The following GRM5 variants were observed in gnomAD, a reference collection of about 807,000 sequenced individuals.
The protein encoded by GRM5 is glutamate metabotropic receptor 5.
A neutral mutation model predicts 83.1 loss-of-function variants in GRM5; 19 were observed. The observed-to-expected ratio is 0.23, with a 90% CI of 0.16 to 0.34. The LOEUF is 0.34. Ranked by LOEUF, GRM5 falls within the 10% of genes least tolerant of loss-of-function variation. The pLI is 1.00. For missense variants in GRM5, 1,160 were observed against 1,588.3 expected (o/e 0.73, Z 4.58); for synonymous variants, 675 against 633.6 (o/e 1.07, Z -0.98).
At chr11:88,725,309 C>A (rs765334918) in intron 3 of GRM5, among the ~76,000 whole-genome samples, 14 of 152,180 alleles carry the variant, frequency 9.2e-5, no homozygotes, top group Admixed American at 1.3e-4. Context: ...CTCAGCAAAG[C>A]TGCTGTAGCC....
chr11:88,764,494 TA>T (rs1942589529), intron 3 of GRM5, among the ~76,000 whole-genome samples: 1 of 151,672 alleles, frequency 6.6e-6, no homozygotes, highest in Admixed American at 6.6e-5. Context: ...ATAGATGTCA[TA>T]CAAAGTTATT....
intron 3 of GRM5, among the ~76,000 whole-genome samples, chr11:88,702,744 G>A (rs1264630512): frequency 6.6e-6 from 1 of 152,038 alleles, no homozygotes; most frequent in Non-Finnish European, 1.5e-5. Flanking sequence ...AAATGAGGCT[G>A]TTTTTGTGTG....
At chr11:88,951,438 C>T (rs1238253177) in intron 2 of GRM5, among the ~76,000 whole-genome samples, 1 of 152,224 alleles carries the variant, frequency 6.6e-6, no homozygotes, top group Non-Finnish European at 1.5e-5. Flanking sequence ...GTTATATGGC[C>T]TGTCTGCCAC....
intron 1 of GRM5, among the ~76,000 whole-genome samples, chr11:89,053,005 A>G (rs1247917033): frequency 6.6e-6 from 1 of 152,132 alleles, no homozygotes; most frequent in African/African-American, 2.4e-5. Flanking sequence ...TGTTTTAACT[A>G]TTTCTTGCTG....
At chr11:89,023,687 T>G (rs943882394) in intron 2 of GRM5, among the ~76,000 whole-genome samples, 1 of 150,612 alleles carries the variant, frequency 6.6e-6, no homozygotes, top group East Asian at 2.0e-4. Context: ...CTACTAAAAA[T>G]AAATTAAAAA....
intron 2 of GRM5, among the ~76,000 whole-genome samples, chr11:88,915,397 G>A (rs77442637): frequency 4.6e-5 from 7 of 151,910 alleles, no homozygotes; most frequent in African/African-American, 7.3e-5. Context: ...CAGTGATATC[G>A]AGGTCATATT....
At chr11:89,055,094 T>C (rs1941845782) in intron 1 of GRM5, among the ~76,000 whole-genome samples, 1 of 152,208 alleles carries the variant, frequency 6.6e-6, no homozygotes, top group Non-Finnish European at 1.5e-5. Flanking sequence ...TGTCCAAGTA[T>C]ACACTGTTTT....
At chr11:88,976,011 T>C (rs1320851786) in intron 2 of GRM5, among the ~76,000 whole-genome samples, 1 of 152,256 alleles carries the variant, frequency 6.6e-6, no homozygotes, top group Admixed American at 6.5e-5. Flanking sequence ...TTCACATGAA[T>C]ATTCAGGTTG....
At chr11:89,005,309 A>G (rs1245695418) in intron 2 of GRM5, among the ~76,000 whole-genome samples, 1 of 152,240 alleles carries the variant, frequency 6.6e-6, no homozygotes, top group Non-Finnish European at 1.5e-5. Flanking sequence ...AAAGCAGGCT[A>G]TACATTTCAT....
At chr11:88,892,832 C>A (rs1304471632) in intron 2 of GRM5, among the ~76,000 whole-genome samples, 1 of 151,950 alleles carries the variant, frequency 6.6e-6, no homozygotes, top group Non-Finnish European at 1.5e-5. Flanking sequence ...TAGTTCTGGG[C>A]AATTATTCTG....
chr11:88,612,780 C>A (rs1016955576), intron 4 of GRM5: 1 of 152,238 alleles, frequency 6.6e-6, no homozygotes, highest in Non-Finnish European at 1.5e-5. Flanking sequence ...TGAGAAGTGT[C>A]TGTTCATGTC....
At chr11:88,655,601 A>G (rs1256586285) in intron 3 of GRM5, among the ~76,000 whole-genome samples, 4 of 151,814 alleles carry the variant, frequency 2.6e-5, no homozygotes, top group Admixed American at 2.6e-4. Flanking sequence ...TTTGCAGGTG[A>G]TATTTCCATA....
At chr11:88,885,599 T>A (rs984414665) in intron 2 of GRM5, among the ~76,000 whole-genome samples, 2 of 151,014 alleles carry the variant, frequency 1.3e-5, no homozygotes, top group African/African-American at 4.9e-5. Context: ...AACAAATTAA[T>A]ATATAAATAA....
At chr11:88,977,062 T>G (rs1056082672) in intron 2 of GRM5, among the ~76,000 whole-genome samples, 2 of 151,616 alleles carry the variant, frequency 1.3e-5, no homozygotes, top group African/African-American at 4.8e-5. Context: ...CTAGCAAGAT[T>G]TTATTCTCAA....
intron 8 of GRM5, among the ~76,000 whole-genome samples, chr11:88,553,109 C>T (rs1416703131): frequency 6.6e-6 from 1 of 152,138 alleles, no homozygotes; most frequent in Non-Finnish European, 1.5e-5. Context: ...TTTAAACATT[C>T]TTTAGATTAA....
At chr11:89,003,569 A>C (rs1301094334) in intron 2 of GRM5, among the ~76,000 whole-genome samples, 1 of 152,216 alleles carries the variant, frequency 6.6e-6, no homozygotes, top group Non-Finnish European at 1.5e-5. Flanking sequence ...CAATGAACCA[A>C]GTCTTAAAAG....
At chr11:88,695,305 T>C (rs1374630567) in intron 3 of GRM5, among the ~76,000 whole-genome samples, 1 of 152,206 alleles carries the variant, frequency 6.6e-6, no homozygotes, top group Non-Finnish European at 1.5e-5. Flanking sequence ...AAAAGATTGC[T>C]TGATCATTTC....
At chr11:88,711,721 G>A (rs1021944307) in intron 3 of GRM5, among the ~76,000 whole-genome samples, 2 of 152,076 alleles carry the variant, frequency 1.3e-5, no homozygotes, top group Non-Finnish European at 2.9e-5. Context: ...AACAGTGTCT[G>A]ACAAATAGTA....
chr11:88,886,234 C>G (rs1371115675), intron 2 of GRM5, among the ~76,000 whole-genome samples: 1 of 152,170 alleles, frequency 6.6e-6, no homozygotes, highest in Admixed American at 6.5e-5. Flanking sequence ...TCATATGTGT[C>G]TGTGTCCTAA....
Sources: gnomAD v4.1 joint callset for allele counts (sites outside exome capture counted in the v4.1 genomes callset) on GRCh38, gnomAD v4.1.1 for gene constraint, MANE v1.5 for transcripts, NCBI Gene and HGNC (gene_info 2026-07-23, HGNC 2026-07-21) for gene names.